TMEM9B: variants seen among roughly 807,000 people sequenced by gnomAD.
The protein encoded by TMEM9B is transmembrane protein 9B.
A neutral mutation model predicts 23.5 loss-of-function variants in TMEM9B; 8 were observed. That is an observed-to-expected ratio of 0.34 (90% CI 0.20 to 0.61). The LOEUF is 0.61. Among genes scored for constraint, TMEM9B ranks in the 20% least tolerant of loss-of-function variants. The probability of loss-of-function intolerance (pLI) is 0.78; values close to 1 mark genes in which losing one functional copy is unlikely to be tolerated. For missense variants in TMEM9B, 197 were observed against 252.3 expected (o/e 0.78, Z 1.49); for synonymous variants, 106 against 96.3 (o/e 1.10, Z -0.59).
chr11:8,949,633 A>G (rs1175717405), intron 4 of TMEM9B, among the ~76,000 whole-genome samples: 1 of 152,334 alleles, frequency 6.6e-6, no homozygotes, highest in East Asian at 1.9e-4. Context: ...CTATATATAC[A>G]ACTATAATTA....
chr11:8,959,142 A>T (rs775385666), intron 2 of TMEM9B, among the ~76,000 whole-genome samples: 1 of 152,192 alleles, frequency 6.6e-6, no homozygotes, highest in Non-Finnish European at 1.5e-5. Flanking sequence ...ACAGAGTAAA[A>T]TCATATTTGA....
At position 8,964,439 on chromosome 11, in the gene TMEM9B, G is replaced by A. The variant is rs1660740797; in HGVS notation, c.-126C>T. ...CTGGGGATCCTCCGCCCGCACTTCC[G>A]TCTGGACGCGAAGGCGTCACCGGGC... On this transcript the variant is annotated 5_prime_UTR_variant, in exon 1 of 5. The change creates a new upstream start codon in the 5' untranslated region. Transcript: ENST00000534025. 1 of 1,428,320 alleles carries A rather than the reference G, an allele frequency of 7.0e-7. No homozygotes were observed. Among genetic ancestry groups the A allele is most frequent in the East Asian group, 2.7e-5 (1 of 37,242 alleles). 88.5% of individuals were successfully genotyped at this position (1,428,320 alleles called of 1,614,324 possible).
At chr11:8,953,005 A>T in intron 4 of TMEM9B, 198 bp downstream of exon 4, 1 of 669,190 alleles carries the variant, frequency 1.5e-6, no homozygotes, top group Non-Finnish European at 2.6e-6. Flanking sequence ...ATCATCGTTT[A>T]AATCATCACA....
At chr11:8,962,294 T>C (rs1762711534) in intron 1 of TMEM9B, 111 bp from the exon 2 acceptor site, 3 of 657,744 alleles carry the variant, frequency 4.6e-6, no homozygotes, top group African/African-American at 1.9e-5. Flanking sequence ...CCAAGTATTC[T>C]AAAATCATTC....
intron 1 of TMEM9B, 184 bp downstream of exon 1, chr11:8,964,025 G>A (rs527424316): frequency 1.6e-6 from 1 of 617,312 alleles, no homozygotes; most frequent in South Asian, 2.1e-5. Context: ...TCGGGGCTGA[G>A]GGCGAGAGTG....
intron 4 of TMEM9B, 23 bp downstream of exon 4, chr11:8,953,180 G>C (rs200994135): frequency 3.0e-5 from 49 of 1,614,120 alleles, no homozygotes; most frequent in Middle Eastern, 1.6e-4. Flanking sequence ...GCCATGAGCA[G>C]CTAGGGCAGG....
chr11:8,964,323 C>T lies in TMEM9B; in HGVS notation c.-10G>A. ...CCCACAGGGTCGCCATCGCTGGGGG[C>T]CCAGCGGTCCCACAGCCCGGAGCCC... On this transcript the variant is annotated 5_prime_UTR_variant, in exon 1 of 5. Coordinates refer to ENST00000534025, the MANE Select transcript of TMEM9B (RefSeq NM_020644.3). 1 of 1,557,456 alleles carries T rather than the reference C, an allele frequency of 6.4e-7. No homozygotes were observed. Among genetic ancestry groups the T allele is most frequent in the African/African-American group, 1.4e-5 (1 of 73,380 alleles).
chr11:8,964,314 C>T lies in TMEM9B; in HGVS notation c.-1G>A. 3.2e-6 allele frequency: 5 copies of T among 1,567,604 alleles called. No individual in the cohort carries two copies. The highest frequency in any genetic ancestry group is 4.3e-6 in the Non-Finnish European group (5 of 1,157,438). On this transcript the variant is annotated 5_prime_UTR_variant, in exon 1 of 5. Transcript: ENST00000534025. ...GAAGGCCTCCCCACAGGGTCGCCAT[C>T]GCTGGGGGCCCAGCGGTCCCACAGC...
intron 2 of TMEM9B, 120 bp from the exon 3 acceptor site, chr11:8,956,418 C>G (rs902900820): frequency 3.0e-6 from 2 of 668,608 alleles, no homozygotes; most frequent in Middle Eastern, 2.5e-4. Flanking sequence ...GCATAAAAAA[C>G]AAATAATCAA....
chr11:8,958,134 G>A (rs1854006180), intron 2 of TMEM9B, among the ~76,000 whole-genome samples: 1 of 127,662 alleles, frequency 7.8e-6, no homozygotes, highest in Non-Finnish European at 1.6e-5. Flanking sequence ...ACTCCAGCCT[G>A]GGCAATGACA....
chr11:8,960,606 C>T (rs1854058887), intron 2 of TMEM9B, among the ~76,000 whole-genome samples: 1 of 152,014 alleles, frequency 6.6e-6, no homozygotes, highest in Admixed American at 6.6e-5. Context: ...CATTTCATTA[C>T]TGATAACAGA....
In TMEM9B at chr11:8,948,137, A is replaced by G; in HGVS notation, c.*183T>C. On this transcript the variant is annotated 3_prime_UTR_variant, in exon 5 of 5. Coordinates refer to ENST00000534025, the MANE Select transcript of TMEM9B (RefSeq NM_020644.3). ...CTGACTTTGAGCTGTGTGCTTTTAA[A>G]AATGTCTCTATTATTACGTTAACAA... 3.2e-6 allele frequency: 2 copies of G among 629,926 alleles called. No homozygotes were observed. The highest frequency in any genetic ancestry group is 5.2e-6 in the Non-Finnish European group (2 of 387,106). The allele number at this position is 629,926 out of a possible 1,614,324, so 39.0% of individuals were successfully genotyped here.
At chr11:8,962,854 TG>T (rs1465357274) in intron 1 of TMEM9B, 1 of 152,242 alleles carries the variant, frequency 6.6e-6, no homozygotes, top group Non-Finnish European at 1.5e-5. Flanking sequence ...ACTAAGTATC[TG>T]GATAGAGAAA....
intron 4 of TMEM9B, chr11:8,952,976 T>G (rs939244219): frequency 1.6e-6 from 1 of 628,458 alleles, no homozygotes; most frequent in African/African-American, 1.8e-5. Flanking sequence ...CAAGGCCCTG[T>G]ATAGCATGCT....
At position 8,953,257 on chromosome 11, in the gene TMEM9B, C is replaced by T. The variant is rs141605018; in HGVS notation, c.387G>A (p.Leu129=). 51 of 1,613,998 alleles carry T rather than the reference C, an allele frequency of 3.2e-5. No homozygotes were observed. The highest frequency in any genetic ancestry group is 3.3e-4 in the Middle Eastern group (2 of 6,082). The part of the protein sequence containing the change: ...MVYLTLVEPI[L]KRRLFGHAQL... The stretch of plus-strand genomic sequence containing the variant: ...GTGCATGTCCAAAGAGGCGCCTCTT[C>T]AGTATGGGCTCAACCAGAGTAAGAT... The change falls in exon 4 of 5, where the codon CTG becomes CTA. Residue 129 remains leucine, a synonymous_variant. Transcript: ENST00000534025.
upstream of TMEM9B, chr11:8,964,564 G>A: frequency 8.8e-7 from 1 of 1,132,886 alleles, no homozygotes; most frequent in Non-Finnish European, 1.2e-6. Flanking sequence ...GCCTAGCCCC[G>A]GCCCCGGGAC....
intron 2 of TMEM9B, 71 bp from the exon 3 acceptor site, chr11:8,956,369 T>C: frequency 8.1e-7 from 1 of 1,238,514 alleles, no homozygotes; most frequent in East Asian, 2.4e-5. Context: ...AAAAGTTTCC[T>C]GAAATCTAGA....
In TMEM9B at chr11:8,960,758, T is replaced by A. The variant is rs189327376; in HGVS notation, c.197+1334A>T. 3.3e-5 allele frequency among the ~76,000 whole-genome samples: 5 copies of A among 151,982 alleles called. No homozygotes were observed. In the East Asian group the frequency reaches 9.7e-4, roughly 30 times the overall value. On this transcript the variant is annotated intron_variant, in intron 2 of 4. Transcript: ENST00000534025. Reference sequence around the variant, plus strand: ...GTGCAGTGGCGCGATCTCGGCTCACTGCAAGCTCTGCCTCCCGGGTTCAAG... The same window carrying A: ...GTGCAGTGGCGCGATCTCGGCTCACAGCAAGCTCTGCCTCCCGGGTTCAAG...
In TMEM9B at chr11:8,964,334, C is replaced by T. The variant is rs1241307995; in HGVS notation, c.-21G>A. 1.3e-6 allele frequency: 2 copies of T among 1,551,418 alleles called. No individual in the cohort carries two copies. The highest frequency in any genetic ancestry group is 2.0e-5 in the Admixed American group (1 of 51,258). ...GCCATCGCTGGGGGCCCAGCGGTCC[C>T]ACAGCCCGGAGCCCCCGCGACCGGC... On this transcript the variant is annotated 5_prime_UTR_variant, in exon 1 of 5. Coordinates refer to ENST00000534025, the MANE Select transcript of TMEM9B (RefSeq NM_020644.3).
Sources: gnomAD v4.1 joint callset for allele counts (sites outside exome capture counted in the v4.1 genomes callset) on GRCh38, gnomAD v4.1.1 for gene constraint, MANE v1.5 for transcripts, NCBI Gene and HGNC (gene_info 2026-07-23, HGNC 2026-07-21) for gene names.